ZNRF1: variants seen among roughly 807,000 people sequenced by gnomAD.
The protein encoded by ZNRF1 is zinc and ring finger 1, also known as E3 ubiquitin-protein ligase ZNRF1.
A neutral mutation model predicts 18.4 loss-of-function variants in ZNRF1; 3 were observed. That is an observed-to-expected ratio of 0.16 (90% CI 0.07 to 0.42). ZNRF1 has a LOEUF of 0.42. Ranked by LOEUF, ZNRF1 falls within the 10% of genes least tolerant of loss-of-function variation. The probability of loss-of-function intolerance (pLI) is 0.99; values close to 1 mark genes in which losing one functional copy is unlikely to be tolerated. For synonymous variants in ZNRF1, 157 were observed against 144.2 expected, an observed-to-expected ratio of 1.09 and a Z score of -0.64; for missense variants, 310 against 329.8, an observed-to-expected ratio of 0.94 and a Z score of 0.47.
chr16:75,106,631 C>T (rs2036319600), intron 4 of ZNRF1, 60 bp downstream of exon 4: 15 of 1,473,974 alleles, frequency 1.0e-5, no homozygotes, highest in African/African-American at 1.4e-5. Context: ...ACTTTGGGGG[C>T]CTGCAGTTTA....
chr16:75,022,783 G>C (rs2035171164), intron 1 of ZNRF1, among the ~76,000 whole-genome samples: 1 of 152,164 alleles, frequency 6.6e-6, no homozygotes, highest in African/African-American at 2.4e-5. Context: ...CTCTTCCGTA[G>C]TGCTCTTATA....
chr16:75,038,059 A>T (rs1234405437), intron 1 of ZNRF1, among the ~76,000 whole-genome samples: 1 of 152,204 alleles, frequency 6.6e-6, no homozygotes, highest in Non-Finnish European at 1.5e-5. Flanking sequence ...TCATTTACCT[A>T]GAAGAATATT....
intron 1 of ZNRF1, among the ~76,000 whole-genome samples, chr16:75,088,320 T>C (rs962214368): frequency 6.6e-6 from 1 of 152,206 alleles, no homozygotes; most frequent in African/African-American, 2.4e-5. Context: ...TTTCTGTCCT[T>C]CTTACCTTTT....
At chr16:75,033,724 A>C (rs770172329) in intron 1 of ZNRF1, among the ~76,000 whole-genome samples, 13 of 152,168 alleles carry the variant, frequency 8.5e-5, no homozygotes, top group Non-Finnish European at 1.9e-4. Flanking sequence ...GGCGTCAGCT[A>C]TTGTGCTTGG....
At chr16:75,098,287 G>C (rs1297702771) in intron 2 of ZNRF1, among the ~76,000 whole-genome samples, 1 of 152,258 alleles carries the variant, frequency 6.6e-6, no homozygotes, top group African/African-American at 2.4e-5. Flanking sequence ...ACCAGGAACA[G>C]GTGGCTACAG....
At chr16:75,096,732 A>G (rs1236844197) in intron 2 of ZNRF1, among the ~76,000 whole-genome samples, 3 of 152,242 alleles carry the variant, frequency 2.0e-5, no homozygotes, top group African/African-American at 7.2e-5. Flanking sequence ...TTAGTTAACC[A>G]CTAAAGGAAA....
intron 1 of ZNRF1, among the ~76,000 whole-genome samples, chr16:75,037,249 G>A (rs1402832000): frequency 6.6e-6 from 1 of 152,164 alleles, no homozygotes; most frequent in African/African-American, 2.4e-5. Flanking sequence ...TCAGTAGATA[G>A]GTGTGCAATG....
Position 75,104,869 on chromosome 16 carries a change from C to T in ZNRF1, c.606C>T (p.Cys202=), listed in dbSNP as rs1384511040. The change falls in exon 3 of 5, where the codon TGC becomes TGT. Residue 202 remains cysteine, a synonymous_variant. Transcript: ENST00000335325. ...LQGDTIARLP[C]LCIYHKSCID... The stretch of plus-strand genomic sequence containing the variant: ...GGGACACGATAGCCAGGCTGCCCTG[C>T]CTGTGCATCTATCACAAAAGGTAGG... 6.2e-7 allele frequency: 1 copy of T among 1,606,368 alleles called. No homozygotes were observed. Among genetic ancestry groups the T allele is most frequent in the Admixed American group, 1.7e-5 (1 of 58,708 alleles).
chr16:75,018,352 A>G (rs1249934328), intron 1 of ZNRF1, among the ~76,000 whole-genome samples: 1 of 152,172 alleles, frequency 6.6e-6, no homozygotes, highest in Non-Finnish European at 1.5e-5. Flanking sequence ...AATTCAGAGA[A>G]TCACACCCTT....
intron 1 of ZNRF1, among the ~76,000 whole-genome samples, chr16:75,063,494 G>A (rs898199522): frequency 6.6e-6 from 1 of 152,212 alleles, no homozygotes; most frequent in Non-Finnish European, 1.5e-5. Context: ...AGTGTTTGCC[G>A]TGGATAGGTG....
At chr16:75,064,906 G>A (rs2035783750) in intron 1 of ZNRF1, among the ~76,000 whole-genome samples, 1 of 152,224 alleles carries the variant, frequency 6.6e-6, no homozygotes, top group South Asian at 2.1e-4. Context: ...TCCCTCAGCA[G>A]TGCATGTGCC....
At chr16:75,085,812 G>GAGAGAGAA (rs2036066323) in intron 1 of ZNRF1, among the ~76,000 whole-genome samples, 1 of 147,686 alleles carries the variant, frequency 6.8e-6, no homozygotes, top group Admixed American at 6.7e-5. Context: ...GAGAGAGAGA[G>GAGAGAGAA]AGAGAGTGAG....
chr16:75,065,686 T>C (rs948507941), intron 1 of ZNRF1, among the ~76,000 whole-genome samples: 3 of 152,228 alleles, frequency 2.0e-5, no homozygotes, highest in Non-Finnish European at 2.9e-5. Flanking sequence ...TCCTTATGCT[T>C]ATGCAAGCAT....
At chr16:75,034,603 C>T (rs1372887131) in intron 1 of ZNRF1, among the ~76,000 whole-genome samples, 1 of 152,086 alleles carries the variant, frequency 6.6e-6, no homozygotes, top group East Asian at 1.9e-4. Context: ...TCCTTTAAGA[C>T]CCTGCTTTCC....
intron 1 of ZNRF1, among the ~76,000 whole-genome samples, chr16:75,019,926 T>C (rs899140345): frequency 1.3e-5 from 2 of 152,142 alleles, no homozygotes; most frequent in Admixed American, 6.5e-5. Flanking sequence ...GGGTTCGCCA[T>C]GTTGCCCAGG....
intron 1 of ZNRF1, among the ~76,000 whole-genome samples, chr16:75,042,255 A>G (rs531824182): frequency 1.3e-5 from 2 of 152,168 alleles, no homozygotes; most frequent in South Asian, 2.1e-4. Context: ...TGGTTGTCTA[A>G]TTTATCAATT....
At chr16:75,025,706 GCC>G (rs2035213420) in intron 1 of ZNRF1, among the ~76,000 whole-genome samples, 1 of 152,276 alleles carries the variant, frequency 6.6e-6, no homozygotes, top group Non-Finnish European at 1.5e-5. Flanking sequence ...CTCTTTCCCA[GCC>G]CTCTGTTCTG....
intron 1 of ZNRF1, among the ~76,000 whole-genome samples, chr16:75,029,695 G>A (rs1317989389): frequency 6.6e-6 from 1 of 152,068 alleles, no homozygotes; most frequent in Non-Finnish European, 1.5e-5. Context: ...CTTGAACCTA[G>A]GAGGCGGAGG....
intron 1 of ZNRF1, among the ~76,000 whole-genome samples, chr16:75,052,839 C>T: frequency 6.6e-6 from 1 of 152,250 alleles, no homozygotes; most frequent in Non-Finnish European, 1.5e-5. Context: ...ATGCATTTCA[C>T]AAAATGCACT....
Sources: allele counts gnomAD v4.1 joint callset (sites outside exome capture counted in the v4.1 genomes callset), GRCh38; gene constraint gnomAD v4.1.1; transcripts MANE v1.5; gene names NCBI Gene and HGNC (gene_info 2026-07-23, HGNC 2026-07-21).